SORCS1: variants seen among roughly 807,000 people sequenced by gnomAD.
SORCS1 encodes VPS10 domain-containing receptor SorCS1.
In SORCS1, 60 loss-of-function variants were observed where a neutral mutation model predicts 146.1. That is an observed-to-expected ratio of 0.41 (90% confidence interval 0.33 to 0.51). The LOEUF (loss-of-function observed/expected upper bound fraction) is 0.51. Ranked by LOEUF, SORCS1 falls within the 20% of genes least tolerant of loss-of-function variation. The pLI is 0.21. For synonymous variants in SORCS1, 637 were observed against 584.0 expected, an observed-to-expected ratio of 1.09 and a Z score of -1.31; for missense variants, 1,352 against 1,487.6, an observed-to-expected ratio of 0.91 and a Z score of 1.50.
chr10:106,724,589 C>T (rs1157016343), intron 6 of SORCS1, among the ~76,000 whole-genome samples: 1 of 151,728 alleles, frequency 6.6e-6, no homozygotes, highest in East Asian at 1.9e-4. Context: ...AAAACTAAAG[C>T]TTTCCAGAGC....
At chr10:106,827,623 CA>C (rs1458609987) in intron 3 of SORCS1, among the ~76,000 whole-genome samples, 1 of 152,100 alleles carries the variant, frequency 6.6e-6, no homozygotes, top group Admixed American at 6.5e-5. Context: ...ACAAAGCCAA[CA>C]AACAACTAAA....
intron 1 of SORCS1, among the ~76,000 whole-genome samples, chr10:106,985,575 C>T (rs1261375145): frequency 6.9e-6 from 1 of 145,868 alleles, no homozygotes; most frequent in Non-Finnish European, 1.5e-5. Flanking sequence ...CTCACCCTGT[C>T]ACCAGGTTGG....
chr10:106,836,819 C>T (rs1948811606), intron 2 of SORCS1, among the ~76,000 whole-genome samples: 1 of 152,112 alleles, frequency 6.6e-6, no homozygotes, highest in Admixed American at 6.5e-5. Context: ...TCCAGCCTGA[C>T]TCCTGTGAAG....
intron 1 of SORCS1, among the ~76,000 whole-genome samples, chr10:107,089,368 C>T (rs1964002625): frequency 6.6e-6 from 1 of 152,150 alleles, no homozygotes; most frequent in Non-Finnish European, 1.5e-5. Flanking sequence ...CCATCCAACA[C>T]ATATGAGTAG....
chr10:106,805,039 T>C lies in SORCS1; in HGVS notation c.726+24535A>G, dbSNP rs544636311. ...CATTTGTATCAACCTCAGAACCCAA[T>C]TGTCATAACCTTTTAAGCCCTCCTG... On this transcript the variant is annotated intron_variant, in intron 3 of 25. Coordinates refer to ENST00000263054, the MANE Select transcript of SORCS1 (RefSeq NM_052918.5). Among the ~76,000 whole-genome samples, 13 of 152,100 alleles carry C rather than the reference T, an allele frequency of 8.5e-5. No homozygotes were observed. In the South Asian group the frequency reaches 1.2e-3, roughly 15 times the overall value.
At chr10:106,754,626 G>A (rs1858499611) in intron 5 of SORCS1, among the ~76,000 whole-genome samples, 1 of 152,162 alleles carries the variant, frequency 6.6e-6, no homozygotes, top group African/African-American at 2.4e-5. Flanking sequence ...AAAAGATGGG[G>A]AATGGGAAGT....
At chr10:107,167,282 A>G (rs963313590), upstream of SORCS1, among the ~76,000 whole-genome samples, 6 of 152,226 alleles carry the variant, frequency 3.9e-5, no homozygotes, top group African/African-American at 1.4e-4. Flanking sequence ...GAAGACTCCA[A>G]TAAATAGGCT....
At chr10:106,699,617 G>T (rs1219564578) in intron 8 of SORCS1, among the ~76,000 whole-genome samples, 1 of 152,102 alleles carries the variant, frequency 6.6e-6, no homozygotes, top group African/African-American at 2.4e-5. Flanking sequence ...AGGATGAAGG[G>T]ATGTTTGATA....
rs774220457 is a variant in SORCS1, at chr10:107,164,238, C to T, written c.289G>A (p.Ala97Thr). Residue 97 changes from alanine (A) to threonine (T), a missense_variant, in exon 1 of 26, where the codon GCA (alanine) becomes ACA (threonine). Physicochemically the swap from Ala to Thr is moderately conservative, Grantham distance 58. Coordinates refer to ENST00000263054, the MANE Select transcript of SORCS1 (RefSeq NM_052918.5). This position sits in a 1 kb window ranked among gnomAD's most constrained non-coding sequence, Gnocchi z 6.8. ...LSLERARGTGASMAVAARSGR... is the reference protein window; with the variant it reads ...LSLERARGTGTSMAVAARSGR... ...GAGCGTGCAGCAACCGCCATGGATG[C>T]CCCAGTGCCCCGAGCCCGCTCCAGG... The T allele has an allele frequency of 4.4e-5, 70 of 1,607,022 alleles. No homozygotes were observed. In the South Asian group the frequency reaches 7.6e-4, roughly 17 times the overall value.
At chr10:107,128,572 A>T (rs556185718) in intron 1 of SORCS1, among the ~76,000 whole-genome samples, 2 of 152,340 alleles carry the variant, frequency 1.3e-5, no homozygotes, top group Non-Finnish European at 2.9e-5. Context: ...ATTAAATATA[A>T]TGAAACAAAC....
In SORCS1 at chr10:106,789,785, T is replaced by C. The variant is rs574103586; in HGVS notation, c.727-13093A>G. 2.8e-4 allele frequency among the ~76,000 whole-genome samples: 43 copies of C among 152,350 alleles called. No homozygotes were observed. The South Asian group carries it at 8.7e-3, about 31-fold the overall frequency. On this transcript the variant is annotated intron_variant, in intron 3 of 25. Coordinates refer to ENST00000263054, the MANE Select transcript of SORCS1 (RefSeq NM_052918.5). ...GTACTCCACTCTCTGCAGTACCAAT[T>C]CACTGTATTAGTCTGTTCTCACACT...
rs1005077973 is a variant in SORCS1 at position 106,577,089 on chromosome 10, C to G, written c.*331G>C. On this transcript the variant is annotated 3_prime_UTR_variant, in exon 26 of 26. Transcript: ENST00000263054. ...CATGCACAGGCTTAAAGCTAAAAAC[C>G]CTTGTTGTCTGTGTCTGAAGAATTA... 24 of 720,250 alleles carry G rather than the reference C, an allele frequency of 3.3e-5. No individual in the cohort carries two copies. The highest frequency in any genetic ancestry group is 2.0e-4 in the Admixed American group (6 of 30,104). The allele number at this position is 720,250 out of a possible 1,614,324, so 44.6% of individuals were successfully genotyped here.
intron 1 of SORCS1, among the ~76,000 whole-genome samples, chr10:107,085,311 T>C (rs1963678089): frequency 6.6e-6 from 1 of 152,154 alleles, no homozygotes; most frequent in African/African-American, 2.4e-5. Flanking sequence ...AAATAAAAAT[T>C]GGCCAGAGTA....
At chr10:106,897,624 G>T (rs997353922) in intron 2 of SORCS1, among the ~76,000 whole-genome samples, 4 of 151,900 alleles carry the variant, frequency 2.6e-5, no homozygotes, top group Non-Finnish European at 5.9e-5. Flanking sequence ...GTACATGTAT[G>T]TGTGCTTGTG....
Position 106,781,489 on chromosome 10 carries a change from C to T in SORCS1, c.727-4797G>A, listed in dbSNP as rs540249741. ...CCATATCACAGGTGCATAATAAATG[C>T]TTTTCATAATGATAATGACAACAGC... On this transcript the variant is annotated intron_variant, in intron 3 of 25. Coordinates refer to ENST00000263054, the MANE Select transcript of SORCS1 (RefSeq NM_052918.5). Among the ~76,000 whole-genome samples the T allele has an allele frequency of 9.9e-5, 15 of 152,182 alleles. No homozygotes were observed. In the South Asian group the frequency reaches 1.0e-3, roughly 11 times the overall value.
intron 5 of SORCS1, among the ~76,000 whole-genome samples, chr10:106,760,217 G>C (rs183315791): frequency 6.6e-6 from 1 of 151,978 alleles, no homozygotes; most frequent in Non-Finnish European, 1.5e-5. Context: ...GGCCGAGGTG[G>C]GGGGATCTTG....
At chr10:106,602,551 A>ACACACACACACAC (rs56948130) in intron 23 of SORCS1, among the ~76,000 whole-genome samples, 1 of 150,110 alleles carries the variant, frequency 6.7e-6, no homozygotes, top group African/African-American at 2.5e-5. Context: ...ACACACACAC[A>ACACACACACACAC]AACACACACA....
chr10:107,042,765 A>C (rs1959179142), intron 1 of SORCS1, among the ~76,000 whole-genome samples: 1 of 151,996 alleles, frequency 6.6e-6, no homozygotes, highest in Non-Finnish European at 1.5e-5. Context: ...ACCTGCCACC[A>C]CACCTGACTA....
chr10:106,620,213 A>G lies in SORCS1; in HGVS notation c.2796+215T>C, dbSNP rs1847646357. ...CTGGAGAAAAACGTAAACATAGAGG[A>G]AGGCAGAGATGAAATGCAGAAGGTG... is the stretch of plus-strand genomic sequence containing the variant. On this transcript the variant is annotated intron_variant, in intron 20 of 25. Transcript: ENST00000263054. The G allele has an allele frequency of 6.2e-6, 3 of 485,428 alleles. No homozygotes were observed. In the East Asian group the frequency reaches 1.1e-4, roughly 18 times the overall value. The allele number at this position is 485,428 out of a possible 1,614,324, so 30.1% of individuals were successfully genotyped here.
Sources: gnomAD v4.1 joint callset for allele counts (sites outside exome capture counted in the v4.1 genomes callset) on GRCh38, gnomAD v4.1.1 for gene constraint, Gnocchi (gnomAD v3.1) non-coding constraint, MANE v1.5 for transcripts, NCBI Gene and HGNC (gene_info 2026-07-23, HGNC 2026-07-21) for gene names.